CHST8: variants seen among roughly 807,000 people sequenced by gnomAD.
CHST8 encodes the protein GALNAC-4-ST1.
In CHST8, 10 loss-of-function variants were observed where a neutral mutation model predicts 15.0. That is an observed-to-expected ratio of 0.67 (90% CI 0.41 to 1.13). The LOEUF is 1.13. CHST8 is among the 50% of genes most tolerant of loss of function. The pLI, the probability that CHST8 is intolerant of heterozygous loss-of-function variation, is 0.00. For synonymous variants in CHST8, 259 were observed against 256.6 expected (o/e 1.01, Z -0.09); for missense variants, 634 against 608.2 (o/e 1.04, Z -0.45).
At chr19:33,720,261 A>G (rs1599582791) in intron 3 of CHST8, among the ~76,000 whole-genome samples, 1 of 151,526 alleles carries the variant, frequency 6.6e-6, no homozygotes, top group Non-Finnish European at 1.5e-5. Context: ...CCACACATAC[A>G]CCACACATAC....
chr19:33,752,776 T>C (rs1042375596), intron 3 of CHST8, among the ~76,000 whole-genome samples: 1 of 152,212 alleles, frequency 6.6e-6, no homozygotes, highest in Admixed American at 6.5e-5. Context: ...CCCAGTAACA[T>C]TGTTAAATTA....
intron 3 of CHST8, among the ~76,000 whole-genome samples, chr19:33,701,190 G>C (rs1332586553): frequency 3.3e-5 from 5 of 152,178 alleles, no homozygotes; most frequent in African/African-American, 1.2e-4. Flanking sequence ...TCTCACCTGA[G>C]CCCAGGCCGT....
At chr19:33,649,510 A>G (rs1972405684) in intron 1 of CHST8, among the ~76,000 whole-genome samples, 2 of 152,206 alleles carry the variant, frequency 1.3e-5, no homozygotes, top group Non-Finnish European at 2.9e-5. Flanking sequence ...TTTATGCTGA[A>G]CGGGCTGGCC....
chr19:33,623,029 C>T (rs908069169), intron 1 of CHST8, among the ~76,000 whole-genome samples: 20 of 152,206 alleles, frequency 1.3e-4, no homozygotes, highest in Admixed American at 1.3e-3. Context: ...CAGACCCGCT[C>T]TGGCCTCGCT....
intron 1 of CHST8, among the ~76,000 whole-genome samples, chr19:33,658,802 A>G (rs1317693929): frequency 1.3e-5 from 2 of 152,070 alleles, no homozygotes; most frequent in African/African-American, 2.4e-5. Flanking sequence ...CTCTCAGTTT[A>G]TTACTTTTTC....
At chr19:33,628,019 A>G (rs920932200) in intron 1 of CHST8, among the ~76,000 whole-genome samples, 1 of 152,220 alleles carries the variant, frequency 6.6e-6, no homozygotes, top group African/African-American at 2.4e-5. Flanking sequence ...CTCAGGTACT[A>G]TGAGACCTAC....
chr19:33,624,686 G>T (rs568904941), intron 1 of CHST8, among the ~76,000 whole-genome samples: 26 of 152,324 alleles, frequency 1.7e-4, no homozygotes, highest in Non-Finnish European at 3.2e-4. Flanking sequence ...TGCCTGATTG[G>T]AAACCTCGCG....
At chr19:33,743,362 C>G (rs920043632) in intron 3 of CHST8, among the ~76,000 whole-genome samples, 2 of 144,740 alleles carry the variant, frequency 1.4e-5, no homozygotes, top group Non-Finnish European at 3.0e-5. Context: ...TGCAGTGGCG[C>G]GATCTCGGCT....
At chr19:33,697,998 CT>C (rs943600059) in intron 3 of CHST8, among the ~76,000 whole-genome samples, 2 of 152,142 alleles carry the variant, frequency 1.3e-5, no homozygotes, top group Admixed American at 6.5e-5. Flanking sequence ...TCATTCTGGG[CT>C]GGGCGCAGTG....
chr19:33,665,944 G>A (rs73589065), intron 1 of CHST8, among the ~76,000 whole-genome samples: 3 of 152,212 alleles, frequency 2.0e-5, no homozygotes, highest in Non-Finnish European at 2.9e-5. Context: ...GTTTGGGAGG[G>A]GACAAGTGGT....
At chr19:33,758,928 G>C (rs34603911) in intron 3 of CHST8, among the ~76,000 whole-genome samples, 41,061 of 152,074 alleles carry the variant, frequency 0.27, 5,791 homozygotes, top group African/African-American at 0.3. Flanking sequence ...TTGGCGGGGG[G>C]GGGCGGTGCT....
intron 3 of CHST8, among the ~76,000 whole-genome samples, chr19:33,698,846 C>A (rs937720224): frequency 6.6e-6 from 1 of 152,096 alleles, no homozygotes; most frequent in African/African-American, 2.4e-5. Context: ...TGCCCTCGCC[C>A]CTCTGCACCT....
At chr19:33,742,930 T>C (rs972083542) in intron 3 of CHST8, among the ~76,000 whole-genome samples, 5 of 152,144 alleles carry the variant, frequency 3.3e-5, no homozygotes, top group African/African-American at 1.2e-4. Context: ...AGTCTCGGGG[T>C]GTCCAGGTCT....
chr19:33,683,461 T>A (rs1415277029), intron 2 of CHST8, among the ~76,000 whole-genome samples: 1 of 152,206 alleles, frequency 6.6e-6, no homozygotes, highest in Non-Finnish European at 1.5e-5. Context: ...GCTTTAAGGC[T>A]CCACTGGGCT....
intron 3 of CHST8, among the ~76,000 whole-genome samples, chr19:33,748,612 G>A (rs1166517178): frequency 1.3e-5 from 2 of 152,204 alleles, no homozygotes; most frequent in Non-Finnish European, 2.9e-5. Flanking sequence ...GTTGGGGGTG[G>A]CTCCTGCAGG....
chr19:33,747,114 G>A (rs1974329671), intron 3 of CHST8, among the ~76,000 whole-genome samples: 1 of 152,168 alleles, frequency 6.6e-6, no homozygotes, highest in South Asian at 2.1e-4. Flanking sequence ...TGACTCCAGG[G>A]AATGGCCTGT....
chr19:33,737,601 G>T (rs1974111182), intron 3 of CHST8, among the ~76,000 whole-genome samples: 1 of 152,164 alleles, frequency 6.6e-6, no homozygotes, highest in Non-Finnish European at 1.5e-5. Flanking sequence ...CCTTCTCAAG[G>T]CTGTGGGCAT....
rs71181381 is a variant in CHST8, at chr19:33,765,070, A to ATATATATATATATATATATATATG, written c.131-6340_131-6339insATATATATATATATATATATGTAT. Among the ~76,000 whole-genome samples, 967 of 112,942 alleles carry ATATATATATATATATATATATATG rather than the reference A, an allele frequency of 8.6e-3. 41 individuals carry two copies. The highest frequency in any genetic ancestry group is 0.011 in the Admixed American group (135 of 12,038). 74.1% of individuals were successfully genotyped at this position (112,942 alleles called of 152,430 possible). A position where few individuals can be genotyped will look rare whatever the true frequency, so the allele number is the denominator to read the frequency against. On this transcript the variant is annotated intron_variant, in intron 3 of 4. Coordinates refer to ENST00000650847, the MANE Select transcript of CHST8 (RefSeq NM_001127895.2). ...TATTCCATCATATATATATATATATATATCAGAGTTTCTTTATCCACTCGT... is the reference window on the plus strand; with the variant it reads ...TATTCCATCATATATATATATATATATATATATATATATATATATATATGTATCAGAGTTTCTTTATCCACTCGT...
At chr19:33,692,874 C>A (rs1022272286) in intron 3 of CHST8, among the ~76,000 whole-genome samples, 4 of 152,170 alleles carry the variant, frequency 2.6e-5, no homozygotes, top group Non-Finnish European at 5.9e-5. Flanking sequence ...ACATACCGGG[C>A]ACCCAGCACC....
Sources: gnomAD v4.1 joint callset for allele counts (sites outside exome capture counted in the v4.1 genomes callset) on GRCh38, gnomAD v4.1.1 for gene constraint, MANE v1.5 for transcripts, NCBI Gene and HGNC (gene_info 2026-07-23, HGNC 2026-07-21) for gene names.